Variants in ZDHHC13 observed in about 807,000 individuals in gnomAD.
ZDHHC13 encodes the protein palmitoyltransferase ZDHHC13.
A neutral mutation model predicts 86.0 loss-of-function variants in ZDHHC13; 85 were observed. The observed-to-expected ratio is 0.99, with a 90% CI of 0.83 to 1.18. The LOEUF (loss-of-function observed/expected upper bound fraction) is 1.18. Among genes scored for constraint, ZDHHC13 ranks in the 50% most tolerant of loss-of-function variants. The pLI, the probability that ZDHHC13 is intolerant of heterozygous loss-of-function variation, is 0.00. For missense variants in ZDHHC13, 711 were observed against 730.2 expected (o/e 0.97, Z 0.30); for synonymous variants, 263 against 246.4 (o/e 1.07, Z -0.63).
intron 8 of ZDHHC13, among the ~76,000 whole-genome samples, chr11:19,152,984 C>G (rs918459618): frequency 2.0e-5 from 3 of 152,014 alleles, no homozygotes; most frequent in African/African-American, 7.2e-5. Context: ...TTTTTAGAGA[C>G]ACAATGGGAA....
intron 2 of ZDHHC13, among the ~76,000 whole-genome samples, chr11:19,143,784 C>G (rs898124353): frequency 3.3e-5 from 5 of 152,324 alleles, no homozygotes; most frequent in Non-Finnish European, 7.4e-5. Context: ...TTTTCACCTT[C>G]ATGGATCTTG....
chr11:19,152,193 C>T lies in ZDHHC13; in HGVS notation c.620C>T (p.Pro207Leu). The change falls in exon 7 of 17, where the codon CCT becomes CTT. Residue 207 changes from proline (P) to leucine (L), a missense_variant. Physicochemically the swap from Pro to Leu is moderately conservative, Grantham distance 98 (BLOSUM62 -3). Transcript: ENST00000446113. ...EPTGFLLKFN[P>L]SLNVVDKIHQ... is the part of the protein sequence containing the mutation. ...ACTGGATTTCTTTTAAAGTTTAATC[C>T]TTCTCTCAATGTGGTTGATAAAATA... The T allele has an allele frequency of 6.2e-7, 1 of 1,613,066 alleles. No individual in the cohort carries two copies. Among genetic ancestry groups the T allele is most frequent in the Non-Finnish European group, 8.5e-7 (1 of 1,179,378 alleles).
At chr11:19,154,304 T>C (rs550047998) in intron 8 of ZDHHC13, among the ~76,000 whole-genome samples, 3 of 152,274 alleles carry the variant, frequency 2.0e-5, no homozygotes, top group African/African-American at 7.2e-5. Context: ...ATATCTAGGA[T>C]TTAGAATTTT....
chr11:19,147,703 T>C, intron 4 of ZDHHC13, 30 bp downstream of exon 4: 1 of 1,514,426 alleles, frequency 6.6e-7, no homozygotes, highest in Non-Finnish European at 9.0e-7. Context: ...TGAAATTAAA[T>C]AGCCACATAT....
At chr11:19,155,454 G>T (rs1430054888) in intron 8 of ZDHHC13, among the ~76,000 whole-genome samples, 3 of 151,886 alleles carry the variant, frequency 2.0e-5, no homozygotes, top group Non-Finnish European at 1.5e-5. Context: ...GGTGGTGGGT[G>T]CCTGTAATCC....
chr11:19,134,717 G>A (rs1487293522), intron 1 of ZDHHC13, among the ~76,000 whole-genome samples: 1 of 152,018 alleles, frequency 6.6e-6, no homozygotes, highest in African/African-American at 2.4e-5. Flanking sequence ...GGGGGTGGGG[G>A]GCAAGGGGAG....
Position 19,163,291 on chromosome 11 carries a change from C to T in ZDHHC13, c.1109-12C>T. ...AAAGGAAGTTTGGTGTATTCCTTAA[C>T]TTGGCTTTAACATTTAGCAGGAGCC... On this transcript the variant is annotated splice_polypyrimidine_tract_variant and intron_variant, in intron 10 of 16. Coordinates refer to ENST00000446113, the MANE Select transcript of ZDHHC13 (RefSeq NM_019028.3). The T allele has an allele frequency of 6.4e-7, 1 of 1,572,284 alleles. No individual in the cohort carries two copies. Among genetic ancestry groups the T allele is most frequent in the Non-Finnish European group, 8.6e-7 (1 of 1,166,512 alleles).
intron 9 of ZDHHC13, 126 bp from the exon 10 acceptor site, chr11:19,158,814 T>C: frequency 1.7e-6 from 1 of 594,576 alleles, no homozygotes; most frequent in South Asian, 2.6e-5. Context: ...TAGTAAGCAC[T>C]CAGTATGTGA....
At chr11:19,159,863 A>G (rs900595154) in intron 10 of ZDHHC13, among the ~76,000 whole-genome samples, 1 of 151,782 alleles carries the variant, frequency 6.6e-6, no homozygotes, top group East Asian at 1.9e-4. Flanking sequence ...GGCATTTTCA[A>G]TCTTCCCACC....
chr11:19,141,768 T>A (rs553960588), intron 1 of ZDHHC13, among the ~76,000 whole-genome samples: 1 of 151,972 alleles, frequency 6.6e-6, no homozygotes, highest in Non-Finnish European at 1.5e-5. Flanking sequence ...CAAATTAGTT[T>A]GAATGACAAA....
intron 10 of ZDHHC13, among the ~76,000 whole-genome samples, chr11:19,161,925 A>C (rs1039567005): frequency 1.3e-5 from 2 of 152,132 alleles, no homozygotes; most frequent in Non-Finnish European, 2.9e-5. Flanking sequence ...GTGTCCAAGC[A>C]AAAGACAACA....
rs746773681 is a variant in ZDHHC13, at chr11:19,155,928, A to T, written c.1006A>T (p.Arg336Trp). 6.2e-7 allele frequency: 1 copy of T among 1,603,576 alleles called. No homozygotes were observed. Among genetic ancestry groups the T allele is most frequent in the South Asian group, 1.1e-5 (1 of 88,150 alleles). ...GTTTTTTCTGACATCTTTGTTTCCA[A>T]GGTGTGTATGTTAATTTTTGCAAGG... The part of the protein sequence containing the change: ...TLFFLTSLFP[R>W]FLVGYKNLVY... Residue 336 changes from arginine (R) to tryptophan (W), a missense_variant and splice_region_variant, in exon 9 of 17, where the codon AGG becomes TGG. Physicochemically the swap from Arg to Trp is moderately radical, Grantham distance 101. Transcript: ENST00000446113.
intron 10 of ZDHHC13, among the ~76,000 whole-genome samples, chr11:19,162,364 A>G (rs1339698078): frequency 6.6e-6 from 1 of 152,192 alleles, no homozygotes; most frequent in Non-Finnish European, 1.5e-5. Flanking sequence ...ACTATAGTCC[A>G]CATCTGAGTG....
intron 16 of ZDHHC13, among the ~76,000 whole-genome samples, chr11:19,173,471 G>T (rs1374394715): frequency 6.6e-6 from 1 of 152,194 alleles, no homozygotes; most frequent in African/African-American, 2.4e-5. Flanking sequence ...GTGCTGCAGA[G>T]GTGACCCAGA....
At chr11:19,125,972 G>A (rs1012436233) in intron 1 of ZDHHC13, among the ~76,000 whole-genome samples, 22 of 152,212 alleles carry the variant, frequency 1.4e-4, no homozygotes, top group African/African-American at 4.3e-4. Flanking sequence ...GCGGTTACGT[G>A]ACTCCATACA....
intron 15 of ZDHHC13, among the ~76,000 whole-genome samples, chr11:19,171,647 C>G (rs1850224042): frequency 6.6e-6 from 1 of 151,954 alleles, no homozygotes; most frequent in Non-Finnish European, 1.5e-5. Flanking sequence ...ATTTATAATA[C>G]CTAGTATTTA....
chr11:19,144,418 A>G (rs942522600), intron 2 of ZDHHC13, among the ~76,000 whole-genome samples: 3 of 149,932 alleles, frequency 2.0e-5, no homozygotes, highest in Non-Finnish European at 3.0e-5. Context: ...TGGGAAGGGC[A>G]TAGAGAGCTA....
chr11:19,120,717 A>G (rs1565016487), intron 1 of ZDHHC13, among the ~76,000 whole-genome samples: 1 of 152,200 alleles, frequency 6.6e-6, no homozygotes, highest in Admixed American at 6.5e-5. Context: ...AGCTAGCTAC[A>G]TATTTCTTTC....
At chr11:19,141,204 T>C (rs1849310678) in intron 1 of ZDHHC13, among the ~76,000 whole-genome samples, 1 of 152,188 alleles carries the variant, frequency 6.6e-6, no homozygotes, top group African/African-American at 2.4e-5. Context: ...TACTTGGAAA[T>C]CTGAATAGCC....
Sources: gnomAD v4.1 joint callset for allele counts (sites outside exome capture counted in the v4.1 genomes callset) on GRCh38, gnomAD v4.1.1 for gene constraint, MANE v1.5 for transcripts, NCBI Gene and HGNC (gene_info 2026-07-23, HGNC 2026-07-21) for gene names.